Variants in LEPR observed in about 807,000 individuals in gnomAD.
LEPR encodes the protein leptin receptor, also known as OB receptor.
Under a neutral mutation model 114.7 loss-of-function variants are expected in LEPR, and 56 were observed. The ratio of observed to expected loss-of-function variants is 0.49; its 90% CI spans 0.39 to 0.61. The LOEUF (loss-of-function observed/expected upper bound fraction) is 0.61. Ranked by LOEUF, LEPR falls within the 20% of genes least tolerant of loss-of-function variation. The pLI is 0.00. For missense variants in LEPR, 1,202 were observed against 1,352.9 expected (o/e 0.89, Z 1.75); for synonymous variants, 443 against 461.4 (o/e 0.96, Z 0.51).
intron 2 of LEPR, among the ~76,000 whole-genome samples, chr1:65,518,090 C>G (rs1649382340): frequency 6.6e-6 from 1 of 152,140 alleles, no homozygotes; most frequent in Non-Finnish European, 1.5e-5. Context: ...TTCTGGTAGG[C>G]CTAGGATTTC....
chr1:65,600,301 T>C (rs531845593), intron 8 of LEPR, among the ~76,000 whole-genome samples: 1 of 152,188 alleles, frequency 6.6e-6, no homozygotes, highest in African/African-American at 2.4e-5. Flanking sequence ...CGCTCATAAA[T>C]CTAATGGTCT....
In LEPR at chr1:65,453,149, G is replaced by A. The variant is rs193123027; in HGVS notation, c.-21+27771G>A. Among the ~76,000 whole-genome samples the A allele has an allele frequency of 3.9e-3, 584 of 151,590 alleles. 3 individuals are homozygous for A. The highest frequency in any genetic ancestry group is 0.013 in the African/African-American group (539 of 41,250). On this transcript the variant is annotated intron_variant, in intron 2 of 19. Transcript: ENST00000349533. Reference sequence around the variant, plus strand: ...TATCCCCTTTATCATTTTTTATTGCGTCTATTAGATTCTTCTCTCTTTTTT... The same window carrying A: ...TATCCCCTTTATCATTTTTTATTGCATCTATTAGATTCTTCTCTCTTTTTT...
At chr1:65,605,259 C>T (rs895149667) in intron 11 of LEPR, 22 bp downstream of exon 11, 1 of 1,613,040 alleles carries the variant, frequency 6.2e-7, no homozygotes. Flanking sequence ...TGCGTTGTGT[C>T]TTCATTTGTG....
intron 2 of LEPR, among the ~76,000 whole-genome samples, chr1:65,516,431 G>A (rs1331093871): frequency 2.1e-5 from 3 of 140,856 alleles, no homozygotes; most frequent in Admixed American, 1.4e-4. Flanking sequence ...GCGAAAGAGC[G>A]AGACTCCGTC....
In LEPR at chr1:65,636,263, G is replaced by C. The variant is rs377570542; in HGVS notation, c.2746G>C (p.Glu916Gln). 8 of 1,613,778 alleles carry C rather than the reference G, an allele frequency of 5.0e-6. No homozygotes were observed. Among genetic ancestry groups the C allele is most frequent in the Non-Finnish European group, 6.8e-6 (8 of 1,179,912 alleles). The change falls in exon 20 of 20, where the codon GAA (glutamate) becomes CAA (glutamine). Residue 916 changes from glutamate (E) to glutamine (Q), a missense_variant. Transcript: ENST00000349533. The stretch of plus-strand genomic sequence containing the variant: ...ATGTGGTCCTCTTCTTTTGGAGCCT[G>C]AAACAATTTCAGAAGATATCAGTGT... ...VTCGPLLLEP[E>Q]TISEDISVDT...
At chr1:65,442,240 C>T (rs1229056982) in intron 2 of LEPR, among the ~76,000 whole-genome samples, 2 of 152,158 alleles carry the variant, frequency 1.3e-5, no homozygotes, top group East Asian at 3.8e-4. Context: ...TGCATAGGAT[C>T]CCTGGTTTCA....
intron 5 of LEPR, among the ~76,000 whole-genome samples, chr1:65,591,572 A>G (rs972651834): frequency 1.3e-5 from 2 of 152,072 alleles, no homozygotes; most frequent in Admixed American, 1.3e-4. Flanking sequence ...TCATTATGAA[A>G]TGATCATCTT....
At chr1:65,488,782 G>A (rs1327066253) in intron 2 of LEPR, among the ~76,000 whole-genome samples, 1 of 150,570 alleles carries the variant, frequency 6.6e-6, no homozygotes, top group Non-Finnish European at 1.5e-5. Context: ...ATCCTTCCCA[G>A]CCTCTGCTAA....
Position 65,598,833 on chromosome 1 carries a change from G to C in LEPR, c.994+29G>C, listed in dbSNP as rs934738754. ...GGTTATGTAATAGCCACTTCTACTG[G>C]GAGGGAAATATATTTCCTGAACTTG... On this transcript the variant is annotated intron_variant, in intron 8 of 19. Transcript: ENST00000349533. The C allele has an allele frequency of 7.4e-6, 12 of 1,612,524 alleles. 1 individual carries two copies. The highest frequency in any genetic ancestry group is 1.0e-5 in the Non-Finnish European group (12 of 1,179,094).
chr1:65,541,794 G>C (rs1305740343), intron 2 of LEPR, among the ~76,000 whole-genome samples: 3 of 152,116 alleles, frequency 2.0e-5, no homozygotes, highest in Non-Finnish European at 2.9e-5. Flanking sequence ...GTGGCATTTG[G>C]AGCTCATTGA....
chr1:65,427,245 C>T (rs889617540), intron 2 of LEPR, among the ~76,000 whole-genome samples: 5 of 152,092 alleles, frequency 3.3e-5, no homozygotes, highest in Admixed American at 2.6e-4. Context: ...AACCAAAGCC[C>T]AGGGTAGTTA....
At chr1:65,432,470 A>C (rs1411962103) in intron 2 of LEPR, 1 of 600,982 alleles carries the variant, frequency 1.7e-6, no homozygotes, top group African/African-American at 2.0e-5. Flanking sequence ...AAGTTTGAGA[A>C]GCATCATCAT....
chr1:65,526,020 G>T, intron 2 of LEPR: 1 of 837,754 alleles, frequency 1.2e-6, no homozygotes, highest in South Asian at 5.5e-5. Context: ...TGCGACGCCG[G>T]GCGACTCTCG....
chr1:65,612,324 T>C (rs1311625896), intron 14 of LEPR, among the ~76,000 whole-genome samples: 1 of 152,256 alleles, frequency 6.6e-6, no homozygotes, highest in African/African-American at 2.4e-5. Context: ...CTTAGGCTAG[T>C]ATGATACATT....
At chr1:65,501,615 T>A (rs576707225) in intron 2 of LEPR, among the ~76,000 whole-genome samples, 3 of 152,096 alleles carry the variant, frequency 2.0e-5, no homozygotes, top group Admixed American at 1.3e-4. Flanking sequence ...CTTGAACACA[T>A]CTTTTGGGGG....
chr1:65,629,041 G>A (rs191138923), intron 19 of LEPR, among the ~76,000 whole-genome samples: 2 of 152,018 alleles, frequency 1.3e-5, no homozygotes, highest in East Asian at 1.9e-4. Context: ...AAATGTAGAC[G>A]GTATCTATTG....
chr1:65,550,824 C>T (rs984008595), intron 2 of LEPR, among the ~76,000 whole-genome samples: 8 of 152,156 alleles, frequency 5.3e-5, no homozygotes, highest in Non-Finnish European at 8.8e-5. Context: ...GCTGCACCCA[C>T]TGTCCTGCAC....
At chr1:65,431,304 T>G (rs778239948) in intron 2 of LEPR, among the ~76,000 whole-genome samples, 1 of 152,218 alleles carries the variant, frequency 6.6e-6, no homozygotes, top group Non-Finnish European at 1.5e-5. Flanking sequence ...GAGGGTACTC[T>G]CACCCCCAAA....
At chr1:65,470,369 C>T (rs1210314173) in intron 2 of LEPR, among the ~76,000 whole-genome samples, 2 of 152,154 alleles carry the variant, frequency 1.3e-5, no homozygotes, top group East Asian at 1.9e-4. Context: ...AATAGGATTT[C>T]GGTAATCTTT....
Sources: gnomAD v4.1 joint callset for allele counts (sites outside exome capture counted in the v4.1 genomes callset) on GRCh38, gnomAD v4.1.1 for gene constraint, MANE v1.5 for transcripts, NCBI Gene and HGNC (gene_info 2026-07-23, HGNC 2026-07-21) for gene names.